The following MAP3K15 variants were observed in gnomAD, a reference collection of about 807,000 sequenced individuals.
MAP3K15 encodes the protein mitogen-activated protein kinase kinase kinase 15.
Under a neutral mutation model 99.5 loss-of-function variants are expected in MAP3K15, and 124 were observed. The ratio of observed to expected loss-of-function variants is 1.25; its 90% CI spans 1.08 to 1.45. The LOEUF (loss-of-function observed/expected upper bound fraction) is 1.45, where lower values mean the gene tolerates loss of function less well. Among genes scored for constraint, MAP3K15 ranks in the 40% most tolerant of loss-of-function variants. The probability of loss-of-function intolerance (pLI) is 0.00; values close to 1 mark genes in which losing one functional copy is unlikely to be tolerated. For synonymous variants in MAP3K15, 494 were observed against 439.6 expected, an observed-to-expected ratio of 1.12 and a Z score of -1.55; for missense variants, 1,242 against 1,079.7, an observed-to-expected ratio of 1.15 and a Z score of -2.11.
intron 9 of MAP3K15, among the ~76,000 whole-genome samples, chrX:19,419,205 A>T (rs997241975): frequency 8.9e-6 from 1 of 112,138 alleles, no homozygotes; most frequent in African/African-American, 3.2e-5. Flanking sequence ...CCTTAAATAT[A>T]AATGGGCTAA....
chrX:19,488,308 A>G, intron 2 of MAP3K15, among the ~76,000 whole-genome samples: 1 of 112,391 alleles, frequency 8.9e-6, no homozygotes, highest in Non-Finnish European at 1.9e-5. Context: ...TTGTGCAGGA[A>G]CACACACGTT....
intron 6 of MAP3K15, among the ~76,000 whole-genome samples, chrX:19,447,496 T>C (rs2064007038): frequency 9.0e-6 from 1 of 111,661 alleles, no homozygotes; most frequent in Admixed American, 9.6e-5. Context: ...CACTTACTGA[T>C]AATATTTCAT....
Position 19,515,105 on chromosome X carries a change from T to C in MAP3K15, c.157A>G (p.Ser53Gly). The C allele has an allele frequency of 1.2e-6, 1 of 848,211 alleles. No homozygotes were observed. Among genetic ancestry groups the C allele is most frequent in the Non-Finnish European group, 1.5e-6 (1 of 671,104 alleles). 69.9% of individuals were successfully genotyped at this position (848,211 alleles called of 1,213,427 possible). A position where few individuals can be genotyped will look rare whatever the true frequency, so the allele number is the denominator to read the frequency against. ...AGAGCCCGCCGCGGCCCGCCCCCAC[T>C]CTCGCCCTCGCCGCTGCCGCCTGCC... ...GAAGGSGEGE[S>G]GGGPRRALRA... is the part of the protein sequence containing the mutation. The change falls in exon 1 of 29, where the codon AGT (serine) becomes GGT (glycine). Residue 53 changes from serine to glycine, a missense_variant. Physicochemically the swap from Ser to Gly is moderately conservative, Grantham distance 56. Transcript: ENST00000338883.
At chrX:19,474,323 C>A (rs1367725420) in intron 3 of MAP3K15, among the ~76,000 whole-genome samples, 2 of 111,120 alleles carry the variant, frequency 1.8e-5, no homozygotes, top group Non-Finnish European at 3.8e-5. Context: ...GGATTGAATT[C>A]CAGCTCCATC....
chrX:19,388,265 T>G (rs2063505487), intron 18 of MAP3K15, among the ~76,000 whole-genome samples: 1 of 112,312 alleles, frequency 8.9e-6, no homozygotes, highest in Non-Finnish European at 1.9e-5. Context: ...TGAGTCCTTT[T>G]TAATTCCTGA....
intron 15 of MAP3K15, among the ~76,000 whole-genome samples, chrX:19,397,455 G>A (rs1221170909): frequency 9.0e-6 from 1 of 110,834 alleles, no homozygotes; most frequent in Non-Finnish European, 1.9e-5. Flanking sequence ...AATTATATTT[G>A]CACTCAAAAA....
chrX:19,410,252 T>A lies in MAP3K15; in HGVS notation c.1699-279A>T, dbSNP rs983645063. 4.4e-5 allele frequency among the ~76,000 whole-genome samples: 5 copies of A among 112,532 alleles called. No homozygotes were observed. The Admixed American group carries it at 4.7e-4, about 11-fold the overall frequency. On this transcript the variant is annotated intron_variant, in intron 11 of 28. Coordinates refer to ENST00000338883, the MANE Select transcript of MAP3K15 (RefSeq NM_001001671.4). ...AAGCATAGAATAAACACACAGTGAG[T>A]GGCTTTTCATCTTCTGTCAACATAG...
At chrX:19,439,922 G>A (rs1247408149) in intron 6 of MAP3K15, among the ~76,000 whole-genome samples, 1 of 112,316 alleles carries the variant, frequency 8.9e-6, no homozygotes, top group East Asian at 2.8e-4. Context: ...TTACAGGGGA[G>A]CTGACTCCTC....
intron 6 of MAP3K15, 146 bp downstream of exon 6, chrX:19,456,767 C>T: frequency 2.4e-6 from 1 of 421,728 alleles, no homozygotes; most frequent in Admixed American, 3.4e-5. Flanking sequence ...TACAAAGTCC[C>T]TGAGGACAAA....
rs143261865 is a variant in MAP3K15, at chrX:19,369,209, G to T, written c.3411C>A (p.Ala1137=). The change falls in exon 25 of 29, where the codon GCC becomes GCA. Residue 1137 remains alanine, a synonymous_variant. Transcript: ENST00000338883. ...AVTILIPELR[A]HFEPTCETEG... ...CAGTCTCACAGGTAGGCTCAAAGTG[G>T]GCTCGGAGCTCTGCAAATCACACAA... The T allele has an allele frequency of 9.9e-6, 12 of 1,209,401 alleles. No individual in the cohort carries two copies. The African/African-American group carries it at 2.1e-4, about 21-fold the overall frequency.
chrX:19,457,030 G>A lies in MAP3K15; in HGVS notation c.889-11C>T. 8.7e-7 allele frequency: 1 copy of A among 1,145,544 alleles called. No homozygotes were observed. Among genetic ancestry groups the A allele is most frequent in the Non-Finnish European group, 1.2e-6 (1 of 846,843 alleles). The allele number at this position is 1,145,544 out of a possible 1,213,427, so 94.4% of individuals were successfully genotyped here. A position where few individuals can be genotyped will look rare whatever the true frequency, so the allele number is the denominator to read the frequency against. On this transcript the variant is annotated splice_polypyrimidine_tract_variant and intron_variant, in intron 5 of 28. Coordinates refer to ENST00000338883, the MANE Select transcript of MAP3K15 (RefSeq NM_001001671.4). ...CATCGCATCATAGTCCTGTTGGCAA[G>A]AGGTCCCAAAGTGAGCAAGAGAGGA...
intron 9 of MAP3K15, among the ~76,000 whole-genome samples, chrX:19,416,760 A>C (rs894790980): frequency 4.5e-5 from 5 of 111,707 alleles, no homozygotes; most frequent in Non-Finnish European, 9.4e-5. Flanking sequence ...TAAAATACAA[A>C]ATATTGTTTA....
chrX:19,425,302 T>C (rs1367591352), intron 9 of MAP3K15, among the ~76,000 whole-genome samples: 2 of 111,903 alleles, frequency 1.8e-5, no homozygotes, highest in African/African-American at 3.2e-5. Flanking sequence ...CAGAAATTAA[T>C]AGAATAGAAG....
At chrX:19,363,140 G>T (rs1055506923) in intron 25 of MAP3K15, among the ~76,000 whole-genome samples, 1 of 111,807 alleles carries the variant, frequency 8.9e-6, no homozygotes, top group African/African-American at 3.2e-5. Flanking sequence ...CCCCTCACCC[G>T]GCCCAAGTTC....
At chrX:19,378,144 G>A (rs377494072) in intron 19 of MAP3K15, among the ~76,000 whole-genome samples, 166 of 112,620 alleles carry the variant, frequency 1.5e-3, no homozygotes, top group African/African-American at 4.9e-3. Flanking sequence ...GGCCATGAAG[G>A]CACCGTGTTT....
At chrX:19,431,065 C>T (rs2063876815) in intron 7 of MAP3K15, among the ~76,000 whole-genome samples, 1 of 111,669 alleles carries the variant, frequency 9.0e-6, no homozygotes, top group South Asian at 3.8e-4. Context: ...TTCTGGCACA[C>T]AGTAAGCCAT....
At chrX:19,400,300 T>A (rs1181353513) in intron 14 of MAP3K15, among the ~76,000 whole-genome samples, 1 of 112,322 alleles carries the variant, frequency 8.9e-6, no homozygotes, top group African/African-American at 3.2e-5. Context: ...CATTACTAAT[T>A]AGCCTAGAGA....
chrX:19,380,714 C>T (rs755382104), intron 18 of MAP3K15, among the ~76,000 whole-genome samples: 1 of 112,067 alleles, frequency 8.9e-6, no homozygotes, highest in East Asian at 2.8e-4. Flanking sequence ...TTAGTAGAGA[C>T]GAGGTTTTAC....
intron 1 of MAP3K15, among the ~76,000 whole-genome samples, chrX:19,490,083 T>G (rs927937008): frequency 2.8e-5 from 3 of 107,129 alleles, no homozygotes; most frequent in Non-Finnish European, 5.8e-5. Context: ...GCCCAGGCAT[T>G]ATGTTACAGC....
Sources: gnomAD v4.1 joint callset for allele counts (sites outside exome capture counted in the v4.1 genomes callset) on GRCh38, gnomAD v4.1.1 for gene constraint, MANE v1.5 for transcripts, NCBI Gene and HGNC (gene_info 2026-07-23, HGNC 2026-07-21) for gene names.